Variants in TENM4 observed in about 807,000 individuals in gnomAD.
TENM4 encodes teneurin transmembrane protein 4, also known as teneurin-4.
A neutral mutation model predicts 243.3 loss-of-function variants in TENM4; 82 were observed. The observed-to-expected ratio is 0.34, with a 90% CI of 0.28 to 0.40. The LOEUF is 0.40. TENM4 is among the 10% of genes least tolerant of loss of function. TENM4 has a pLI of 1.00. For missense variants in TENM4, 3,138 were observed against 3,673.3 expected, an observed-to-expected ratio of 0.85 and a Z score of 3.77; for synonymous variants, 1,412 against 1,456.3, an observed-to-expected ratio of 0.97 and a Z score of 0.69.
rs555804531 is a variant in TENM4 at position 79,004,005 on chromosome 11, A to C, written c.493+60733T>G. Among the ~76,000 whole-genome samples the C allele has an allele frequency of 1.1e-4, 17 of 152,146 alleles. 1 individual carries two copies. Among genetic ancestry groups the C allele is most frequent in the African/African-American group, 3.6e-4 (15 of 41,524 alleles). On this transcript the variant is annotated intron_variant, in intron 6 of 33. Transcript: ENST00000278550. ...CTATTCTAATTTCAGAAAAAAAAAA[A>C]AACAGACTTTAAACCAACAAAGATC...
chr11:79,162,100 C>T (rs937796764), intron 3 of TENM4, among the ~76,000 whole-genome samples: 1 of 152,170 alleles, frequency 6.6e-6, no homozygotes, highest in Admixed American at 6.6e-5. Flanking sequence ...ACGGGATGGC[C>T]AAGTCTGTCT....
intron 12 of TENM4, among the ~76,000 whole-genome samples, chr11:78,816,972 T>C (rs1226803538): frequency 6.6e-6 from 1 of 152,190 alleles, no homozygotes; most frequent in Non-Finnish European, 1.5e-5. Context: ...ACCTTCCTGA[T>C]ATGTGAAATG....
chr11:78,730,134 G>A (rs1405055962), intron 21 of TENM4, among the ~76,000 whole-genome samples: 3 of 152,178 alleles, frequency 2.0e-5, no homozygotes, highest in African/African-American at 7.2e-5. Context: ...CACTGGCTTT[G>A]TGTGAGGACT....
At chr11:79,282,467 C>T (rs1158078378) in intron 2 of TENM4, among the ~76,000 whole-genome samples, 2 of 152,228 alleles carry the variant, frequency 1.3e-5, no homozygotes, top group Non-Finnish European at 2.9e-5. Context: ...GGACTCACAT[C>T]ATTATCTTTA....
At chr11:78,830,594 G>A (rs1461198590) in intron 12 of TENM4, among the ~76,000 whole-genome samples, 1 of 152,222 alleles carries the variant, frequency 6.6e-6, no homozygotes, top group Non-Finnish European at 1.5e-5. Flanking sequence ...ATCCCCTCCA[G>A]AGCAGTTGGC....
At chr11:79,033,964 G>A (rs1445051532) in intron 6 of TENM4, among the ~76,000 whole-genome samples, 1 of 152,118 alleles carries the variant, frequency 6.6e-6, no homozygotes, top group African/African-American at 2.4e-5. Flanking sequence ...ATCATAGGAG[G>A]CATTTAGCGT....
At chr11:79,394,824 A>G (rs992165550) in intron 1 of TENM4, among the ~76,000 whole-genome samples, 1 of 152,198 alleles carries the variant, frequency 6.6e-6, no homozygotes, top group Non-Finnish European at 1.5e-5. Context: ...CCACCCTGTG[A>G]AGACATGAAG....
At chr11:79,124,306 G>A (rs1354539457) in intron 4 of TENM4, among the ~76,000 whole-genome samples, 1 of 152,064 alleles carries the variant, frequency 6.6e-6, no homozygotes, top group African/African-American at 2.4e-5. Context: ...TAACATTTGA[G>A]TCAGTGGGCT....
At chr11:79,230,616 A>C (rs1466846782) in intron 2 of TENM4, among the ~76,000 whole-genome samples, 6 of 152,244 alleles carry the variant, frequency 3.9e-5, no homozygotes, top group African/African-American at 1.4e-4. Flanking sequence ...TTAGAGGCTT[A>C]CTGTGAGGAC....
At chr11:79,030,533 C>G (rs1417708883) in intron 6 of TENM4, among the ~76,000 whole-genome samples, 1 of 152,156 alleles carries the variant, frequency 6.6e-6, no homozygotes, top group Non-Finnish European at 1.5e-5. Flanking sequence ...GGAGGAGAGA[C>G]AGCTCCCCAC....
chr11:78,963,580 A>C (rs575863858), intron 6 of TENM4, among the ~76,000 whole-genome samples: 3 of 152,250 alleles, frequency 2.0e-5, no homozygotes, highest in African/African-American at 7.2e-5. Flanking sequence ...GGGCCATCTT[A>C]AGGTTCAGCG....
At chr11:78,849,375 TA>T (rs1858478537) in intron 12 of TENM4, among the ~76,000 whole-genome samples, 2 of 152,306 alleles carry the variant, frequency 1.3e-5, no homozygotes, top group Non-Finnish European at 1.5e-5. Flanking sequence ...AAAAAATATT[TA>T]ATAGTAACCG....
intron 3 of TENM4, among the ~76,000 whole-genome samples, chr11:79,214,469 A>T (rs1405700856): frequency 6.6e-6 from 1 of 152,212 alleles, no homozygotes; most frequent in South Asian, 2.1e-4. Flanking sequence ...TAAATCTTCC[A>T]TATGTCTTTG....
At chr11:78,976,074 A>G (rs1038071727) in intron 6 of TENM4, among the ~76,000 whole-genome samples, 8 of 152,228 alleles carry the variant, frequency 5.3e-5, no homozygotes, top group African/African-American at 1.9e-4. Flanking sequence ...AAATAATAGT[A>G]ATAAACATAA....
At chr11:78,951,072 C>T (rs901593689) in intron 6 of TENM4, among the ~76,000 whole-genome samples, 3 of 152,264 alleles carry the variant, frequency 2.0e-5, no homozygotes, top group Non-Finnish European at 2.9e-5. Flanking sequence ...ATGCAGCGTG[C>T]TCAAGGGCTG....
chr11:79,023,439 G>A (rs972287029), intron 6 of TENM4, among the ~76,000 whole-genome samples: 14 of 151,954 alleles, frequency 9.2e-5, no homozygotes, highest in African/African-American at 3.4e-4. Context: ...GTGTGCACCT[G>A]TAATCCCAAC....
Position 79,114,826 on chromosome 11 carries a change from G to C in TENM4, c.-66+33884C>G, listed in dbSNP as rs190578332. On this transcript the variant is annotated intron_variant, in intron 4 of 33. Transcript: ENST00000278550. ...GTTGTGTCTGGGTAAGGATCTCCAAGGCATTGGCCAGGATAGATAGGAAAC... is the reference window on the plus strand; with the variant it reads ...GTTGTGTCTGGGTAAGGATCTCCAACGCATTGGCCAGGATAGATAGGAAAC... Among the ~76,000 whole-genome samples the C allele has an allele frequency of 7.9e-3, 1,197 of 152,308 alleles. 13 individuals carry two copies. Among genetic ancestry groups the C allele is most frequent in the Non-Finnish European group, 0.015 (994 of 68,034 alleles).
Position 79,399,740 on chromosome 11 carries a change from A to G in TENM4, c.-321+40769T>C, listed in dbSNP as rs868520320. Reference sequence around the variant, plus strand: ...AATCTTGGAAACAGACGTAGAGTCAAATTTGGCTCCTCTACTTACACAGAT... The same window carrying G: ...AATCTTGGAAACAGACGTAGAGTCAGATTTGGCTCCTCTACTTACACAGAT... On this transcript the variant is annotated intron_variant, in intron 1 of 33. Transcript: ENST00000278550. Among the ~76,000 whole-genome samples the G allele has an allele frequency of 6.6e-5, 10 of 152,316 alleles. No homozygotes were observed. In the South Asian group the frequency reaches 1.2e-3, roughly 19 times the overall value.
At chr11:78,928,634 T>C (rs1856603624) in intron 6 of TENM4, among the ~76,000 whole-genome samples, 2 of 152,370 alleles carry the variant, frequency 1.3e-5, no homozygotes, top group South Asian at 4.1e-4. Context: ...GCTAGCTGTG[T>C]GACTTTGTAC....
Sources: allele counts gnomAD v4.1 joint callset (sites outside exome capture counted in the v4.1 genomes callset), GRCh38; gene constraint gnomAD v4.1.1; transcripts MANE v1.5; gene names NCBI Gene and HGNC (gene_info 2026-07-23, HGNC 2026-07-21).